RGS17: variants seen among roughly 807,000 people sequenced by gnomAD.
The protein encoded by RGS17 is regulator of G-protein signaling 17.
A neutral mutation model predicts 25.5 loss-of-function variants in RGS17; 12 were observed. The observed-to-expected ratio is 0.47, with a 90% CI of 0.30 to 0.76. The LOEUF (loss-of-function observed/expected upper bound fraction) is 0.76. Ranked by LOEUF, RGS17 falls within the 30% of genes least tolerant of loss-of-function variation. The pLI, the probability that RGS17 is intolerant of heterozygous loss-of-function variation, is 0.07. For synonymous variants in RGS17, 71 were observed against 76.9 expected (o/e 0.92, Z 0.40); for missense variants, 196 against 242.2 (o/e 0.81, Z 1.27).
intron 1 of RGS17, among the ~76,000 whole-genome samples, chr6:153,113,762 G>A (rs1343184484): frequency 1.3e-5 from 2 of 152,044 alleles, no homozygotes; most frequent in South Asian, 2.1e-4. Flanking sequence ...ATTAGAACTC[G>A]GGATTAAGAA....
At position 153,026,557 on chromosome 6, in the gene RGS17, G is replaced by C; in HGVS notation, c.120-14C>G. 6.3e-7 allele frequency: 1 copy of C among 1,594,888 alleles called. No individual in the cohort carries two copies. The highest frequency in any genetic ancestry group is 1.1e-5 in the South Asian group (1 of 89,878). ...CTCACAGTGAGGCTGTAATGTAACA[G>C]AACATTTAATTTTGTCAAGGGAAAT... On this transcript the variant is annotated splice_polypyrimidine_tract_variant and intron_variant, in intron 2 of 4. Coordinates refer to ENST00000206262, the MANE Select transcript of RGS17 (RefSeq NM_012419.5).
At chr6:153,077,302 C>T (rs1440626402) in intron 1 of RGS17, among the ~76,000 whole-genome samples, 1 of 151,972 alleles carries the variant, frequency 6.6e-6, no homozygotes, top group Admixed American at 6.6e-5. Flanking sequence ...GGGAAAAATA[C>T]AGGGAGATTG....
chr6:153,064,626 T>A (rs778589517), intron 1 of RGS17, among the ~76,000 whole-genome samples: 5 of 140,856 alleles, frequency 3.5e-5, no homozygotes, highest in Non-Finnish European at 7.9e-5. Flanking sequence ...CAAGACTACA[T>A]CTCAAAAAAA....
chr6:153,043,562 T>A (rs906291420), intron 2 of RGS17, among the ~76,000 whole-genome samples: 8 of 151,944 alleles, frequency 5.3e-5, no homozygotes, highest in African/African-American at 1.9e-4. Flanking sequence ...GCCTGTAACA[T>A]TGGAGAATAT....
intron 1 of RGS17, among the ~76,000 whole-genome samples, chr6:153,066,708 A>C (rs1212753109): frequency 2.0e-5 from 3 of 152,214 alleles, no homozygotes; most frequent in Non-Finnish European, 4.4e-5. Context: ...AAATCGATCA[A>C]TGTGATATAT....
At chr6:153,014,527 G>A (rs758982561) in intron 4 of RGS17, among the ~76,000 whole-genome samples, 5 of 152,134 alleles carry the variant, frequency 3.3e-5, no homozygotes, top group South Asian at 2.1e-4. Flanking sequence ...GGCCAGGCGC[G>A]GTGGCTCACG....
At chr6:153,116,541 A>T (rs1368005617) in intron 1 of RGS17, among the ~76,000 whole-genome samples, 2 of 152,222 alleles carry the variant, frequency 1.3e-5, no homozygotes, top group African/African-American at 4.8e-5. Context: ...CTAGGACCAG[A>T]AATACCATTT....
intron 1 of RGS17, among the ~76,000 whole-genome samples, chr6:153,113,565 CTGGACCAAG>C (rs1777504513): frequency 6.6e-6 from 1 of 152,214 alleles, no homozygotes; most frequent in Non-Finnish European, 1.5e-5. Context: ...CAACTCAGCT[CTGGACCAAG>C]TGGACCTAAT....
intron 1 of RGS17, among the ~76,000 whole-genome samples, chr6:153,089,017 C>CTATGTGTG (rs1777088926): frequency 6.6e-6 from 1 of 152,112 alleles, no homozygotes; most frequent in African/African-American, 2.4e-5. Flanking sequence ...TATTTTGTGA[C>CTATGTGTG]TATGTGTTTG....
At position 153,008,871 on chromosome 6, in the gene RGS17, CA is replaced by C. The variant is rs1562310329; in HGVS notation, c.*2702del. 3 of 152,112 alleles carry C rather than the reference CA, an allele frequency of 2.0e-5. No individual in the cohort carries two copies. The highest frequency in any genetic ancestry group is 3.2e-3 in the Middle Eastern group (1 of 316). The allele number at this position is 152,112 out of a possible 1,614,324, so 9.4% of individuals were successfully genotyped here. ...GTAACTTAAACAGAAGGAATTATAT[CA>C]TACTTAGAAAATTAGTAGAGTTGCA... On this transcript the variant is annotated 3_prime_UTR_variant, in exon 5 of 5. Transcript: ENST00000206262.
intron 1 of RGS17, among the ~76,000 whole-genome samples, chr6:153,125,192 T>C (rs970974161): frequency 6.6e-6 from 1 of 152,202 alleles, no homozygotes; most frequent in Non-Finnish European, 1.5e-5. Flanking sequence ...TCAGCAGTAC[T>C]GTACTGTGAA....
intron 1 of RGS17, among the ~76,000 whole-genome samples, chr6:153,118,444 C>T (rs1470784524): frequency 6.6e-6 from 1 of 152,170 alleles, no homozygotes; most frequent in Non-Finnish European, 1.5e-5. Context: ...AATTTAGTGC[C>T]AGGAAACAAA....
rs189392573 is a variant in RGS17, at chr6:153,123,732, T to C, written c.-26+7392A>G. On this transcript the variant is annotated intron_variant, in intron 1 of 4. Coordinates refer to ENST00000206262, the MANE Select transcript of RGS17 (RefSeq NM_012419.5). ...TCAGGAAAAAATTCTAAAATATTGC[T>C]AGTGCATGGGAAATGTGGACCCGGA... is the stretch of plus-strand genomic sequence containing the variant. Among the ~76,000 whole-genome samples, 15 of 152,306 alleles carry C rather than the reference T, an allele frequency of 9.8e-5. No homozygotes were observed. In the East Asian group the frequency reaches 2.7e-3, roughly 27 times the overall value.
intron 1 of RGS17, among the ~76,000 whole-genome samples, chr6:153,114,473 T>C (rs548768894): frequency 6.6e-6 from 1 of 152,220 alleles, no homozygotes; most frequent in South Asian, 2.1e-4. Context: ...CAGGACCAGA[T>C]GGATTCACAG....
chr6:153,071,039 A>G (rs1776793974), intron 1 of RGS17, among the ~76,000 whole-genome samples: 1 of 150,512 alleles, frequency 6.6e-6, no homozygotes, highest in African/African-American at 2.4e-5. Flanking sequence ...ATATATACGT[A>G]TATGTACATG....
At chr6:153,019,121 C>T (rs548602348) in intron 4 of RGS17, among the ~76,000 whole-genome samples, 65 of 152,284 alleles carry the variant, frequency 4.3e-4, no homozygotes, top group Non-Finnish European at 7.6e-4. Flanking sequence ...ACAGATATCA[C>T]GGGTTTTTGG....
chr6:153,095,972 G>A (rs1777201904), intron 1 of RGS17, among the ~76,000 whole-genome samples: 1 of 152,166 alleles, frequency 6.6e-6, no homozygotes, highest in Non-Finnish European at 1.5e-5. Flanking sequence ...AGAAATGTAA[G>A]GAAAAATGAT....
intron 2 of RGS17, among the ~76,000 whole-genome samples, chr6:153,037,284 A>C (rs911509569): frequency 6.6e-6 from 1 of 152,072 alleles, no homozygotes; most frequent in Non-Finnish European, 1.5e-5. Context: ...TGTGCCTGTA[A>C]TTTTTGAAAA....
rs773151395 is a variant in RGS17, at chr6:153,011,766, A to G, written c.445-4T>C. On this transcript the variant is annotated splice_region_variant and splice_polypyrimidine_tract_variant and intron_variant, in intron 4 of 4. Transcript: ENST00000206262. ...TAACTCGAGAATCAAGACTGACCTA[A>G]AAAGAAACAAGAGCAAATACATTAA... 1.9e-6 allele frequency: 3 copies of G among 1,574,842 alleles called. No homozygotes were observed. Among genetic ancestry groups the G allele is most frequent in the Non-Finnish European group, 2.6e-6 (3 of 1,167,506 alleles).
Sources: allele counts gnomAD v4.1 joint callset (sites outside exome capture counted in the v4.1 genomes callset), GRCh38; gene constraint gnomAD v4.1.1; transcripts MANE v1.5; gene names NCBI Gene and HGNC (gene_info 2026-07-23, HGNC 2026-07-21).